The following DLC1 variants were observed in gnomAD, a reference collection of about 807,000 sequenced individuals.
The protein encoded by DLC1 is DLC1 Rho GTPase activating protein.
Under a neutral mutation model 140.3 loss-of-function variants are expected in DLC1, and 54 were observed. The observed-to-expected ratio is 0.38, with a 90% confidence interval of 0.31 to 0.48. DLC1 has a LOEUF of 0.48. Among genes scored for constraint, DLC1 ranks in the 20% least tolerant of loss-of-function variants. DLC1 has a pLI of 0.96. For synonymous variants in DLC1, 986 were observed against 728.1 expected, an observed-to-expected ratio of 1.35 and a Z score of -5.70; for missense variants, 2,536 against 1,907.0, an observed-to-expected ratio of 1.33 and a Z score of -6.14.
In DLC1 at chr8:13,469,957, G is replaced by T. The variant is rs143761936; in HGVS notation, c.1023+29092C>A. ...ATATTGTGGGAAAATAGCCAGGCAG[G>T]GCAGCTTATTTTGTATAGAAAGTGG... On this transcript the variant is annotated intron_variant, in intron 2 of 17. Transcript: ENST00000276297. Among the ~76,000 whole-genome samples, 23 of 152,136 alleles carry T rather than the reference G, an allele frequency of 1.5e-4. No homozygotes were observed. The East Asian group carries it at 4.3e-3, about 28-fold the overall frequency.
At chr8:13,576,453 A>G (rs377542251) in intron 1 of DLC1, among the ~76,000 whole-genome samples, 2 of 152,202 alleles carry the variant, frequency 1.3e-5, no homozygotes, top group African/African-American at 4.8e-5. Context: ...ATTTATAATG[A>G]GAATGTAAAC....
intron 1 of DLC1, among the ~76,000 whole-genome samples, chr8:13,572,547 A>T (rs1362801459): frequency 6.6e-6 from 1 of 152,158 alleles, no homozygotes; most frequent in Non-Finnish European, 1.5e-5. Flanking sequence ...CATATGTAAG[A>T]AATCATCACC....
intron 5 of DLC1, among the ~76,000 whole-genome samples, chr8:13,144,952 G>C (rs1188139292): frequency 6.6e-6 from 1 of 152,100 alleles, no homozygotes; most frequent in Non-Finnish European, 1.5e-5. Flanking sequence ...CCATTGCCTT[G>C]AAGTATTTTG....
chr8:13,091,421 C>T lies in DLC1; in HGVS notation c.3752G>A (p.Arg1251Lys), dbSNP rs1229565473. The T allele has an allele frequency of 6.2e-7, 1 of 1,613,716 alleles. No individual in the cohort carries two copies. Among genetic ancestry groups the T allele is most frequent in the African/African-American group, 1.3e-5 (1 of 74,856 alleles). The change falls in exon 14 of 18, where the codon AGA becomes AAA. Residue 1251 changes from arginine (R) to lysine (K), a missense_variant. Coordinates refer to ENST00000276297, the MANE Select transcript of DLC1 (RefSeq NM_182643.3). ...ATCTGGTTTGCCCAAACTTTGTTTT[C>T]TTTGCATTACCCTAGGTAGAAGAAA... ...RENSSPRVMQRKQSLGKPDQK... is the reference protein window; with the variant it reads ...RENSSPRVMQKKQSLGKPDQK...
At chr8:13,232,102 A>G (rs1829073591) in intron 5 of DLC1, among the ~76,000 whole-genome samples, 1 of 152,112 alleles carries the variant, frequency 6.6e-6, no homozygotes, top group African/African-American at 2.4e-5. Flanking sequence ...GCTTCATTTC[A>G]CTTGGCCTTT....
intron 4 of DLC1, among the ~76,000 whole-genome samples, chr8:13,369,970 A>T (rs1349889190): frequency 6.6e-6 from 1 of 151,092 alleles, no homozygotes; most frequent in Non-Finnish European, 1.5e-5. Context: ...AAGGCCTCTG[A>T]GGTCTTTGGG....
intron 4 of DLC1, among the ~76,000 whole-genome samples, chr8:13,391,374 C>G (rs576409442): frequency 1.3e-5 from 2 of 152,306 alleles, no homozygotes; most frequent in Admixed American, 1.3e-4. Flanking sequence ...CTGGATACTA[C>G]TCGCATCCAA....
chr8:13,217,559 G>A (rs1828263020), intron 5 of DLC1, among the ~76,000 whole-genome samples: 1 of 152,160 alleles, frequency 6.6e-6, no homozygotes, highest in Admixed American at 6.6e-5. Flanking sequence ...CAACTGGCTG[G>A]CATGGTGGCT....
intron 2 of DLC1, among the ~76,000 whole-genome samples, chr8:13,440,557 A>ACATC (rs1798460705): frequency 6.6e-6 from 1 of 151,986 alleles, no homozygotes; most frequent in Non-Finnish European, 1.5e-5. Context: ...CTGAGATGAA[A>ACATC]CATCCAATTC....
At chr8:13,202,386 T>A (rs1045779201) in intron 5 of DLC1, among the ~76,000 whole-genome samples, 9 of 152,198 alleles carry the variant, frequency 5.9e-5, no homozygotes, top group African/African-American at 2.2e-4. Context: ...AATTGACATA[T>A]CCATCACCTC....
At chr8:13,371,636 G>T (rs946926027) in intron 4 of DLC1, among the ~76,000 whole-genome samples, 2 of 151,084 alleles carry the variant, frequency 1.3e-5, no homozygotes, top group Non-Finnish European at 2.9e-5. Context: ...CATCAGGAAA[G>T]ATCCATCTGT....
intron 5 of DLC1, among the ~76,000 whole-genome samples, chr8:13,167,436 G>A (rs144370214): frequency 6.6e-6 from 1 of 152,066 alleles, no homozygotes; most frequent in African/African-American, 2.4e-5. Flanking sequence ...ATTTAGCCGA[G>A]GTCCTTTCCC....
intron 5 of DLC1, among the ~76,000 whole-genome samples, chr8:13,304,023 G>T (rs557765079): frequency 6.6e-6 from 1 of 152,098 alleles, no homozygotes; most frequent in East Asian, 1.9e-4. Flanking sequence ...GAAAAAACTT[G>T]CTGACATTCT....
chr8:13,160,128 A>C (rs137959015), intron 5 of DLC1: 2,510 of 152,486 alleles, frequency 0.016, 68 homozygotes, highest in African/African-American at 0.054. Context: ...GCTGCACTCC[A>C]GTGTGGGCAA....
chr8:13,441,564 AACAG>A (rs1271173858), intron 2 of DLC1, among the ~76,000 whole-genome samples: 1 of 152,046 alleles, frequency 6.6e-6, no homozygotes, highest in East Asian at 1.9e-4. Context: ...ATACACCAAT[AACAG>A]ACAAACAGAG....
chr8:13,556,497 G>A (rs1427589223), intron 1 of DLC1, among the ~76,000 whole-genome samples: 1 of 152,186 alleles, frequency 6.6e-6, no homozygotes, highest in Non-Finnish European at 1.5e-5. Context: ...GTCCAGACAA[G>A]GTGCCTTCCT....
intron 5 of DLC1, among the ~76,000 whole-genome samples, chr8:13,155,952 T>G (rs1164547974): frequency 6.6e-6 from 1 of 152,194 alleles, no homozygotes; most frequent in African/African-American, 2.4e-5. Context: ...TTTTTCATTC[T>G]GAGTCTTGAT....
At chr8:13,510,833 T>A (rs1802325106) in intron 1 of DLC1, among the ~76,000 whole-genome samples, 1 of 152,170 alleles carries the variant, frequency 6.6e-6, no homozygotes, top group Non-Finnish European at 1.5e-5. Flanking sequence ...GTTGTTAACC[T>A]CTGGCCCCAG....
At chr8:13,277,180 C>T (rs970533956) in intron 5 of DLC1, among the ~76,000 whole-genome samples, 1 of 152,096 alleles carries the variant, frequency 6.6e-6, no homozygotes, top group Admixed American at 6.6e-5. Context: ...GGTGTGGTGG[C>T]ATGCACCTGT....
Sources: gnomAD v4.1 joint callset for allele counts (sites outside exome capture counted in the v4.1 genomes callset) on GRCh38, gnomAD v4.1.1 for gene constraint, MANE v1.5 for transcripts, NCBI Gene and HGNC (gene_info 2026-07-23, HGNC 2026-07-21) for gene names.